The following SOD2 variants were observed in gnomAD, a reference collection of about 807,000 sequenced individuals.
SOD2 encodes superoxide dismutase [Mn], mitochondrial.
Under a neutral mutation model 27.0 loss-of-function variants are expected in SOD2, and 11 were observed. The ratio of observed to expected loss-of-function variants is 0.41; its 90% CI spans 0.26 to 0.67. The LOEUF (loss-of-function observed/expected upper bound fraction) is 0.67, where lower values mean the gene tolerates loss of function less well. Ranked by LOEUF, SOD2 falls within the 30% of genes least tolerant of loss-of-function variation. The pLI is 0.34. For missense variants in SOD2, 250 were observed against 274.5 expected, an observed-to-expected ratio of 0.91 and a Z score of 0.63; for synonymous variants, 105 against 103.0, an observed-to-expected ratio of 1.02 and a Z score of -0.12.
intron 1 of SOD2, among the ~76,000 whole-genome samples, chr6:159,754,534 TA>T (rs1331606563): frequency 6.6e-6 from 1 of 152,000 alleles, no homozygotes; most frequent in African/African-American, 2.4e-5. Context: ...TTGCCCTCGG[TA>T]TCCATGGTGG....
intron 1 of SOD2, among the ~76,000 whole-genome samples, chr6:159,732,866 CTCTCTCTG>C (rs1778664270): frequency 7.8e-6 from 1 of 128,254 alleles, no homozygotes; most frequent in African/African-American, 3.2e-5. Context: ...CTCTCTCTCT[CTCTCTCTG>C]TATATATATA....
intron 1 of SOD2, chr6:159,760,191 A>G (rs2114969097): frequency 6.6e-6 from 1 of 152,360 alleles, no homozygotes; most frequent in Middle Eastern, 3.4e-3. Flanking sequence ...TTAACAGAAG[A>G]TAGTTTCACT....
upstream of SOD2, among the ~76,000 whole-genome samples, chr6:159,694,435 G>A (rs1488666365): frequency 1.3e-5 from 2 of 152,108 alleles, no homozygotes; most frequent in Admixed American, 1.3e-4. Context: ...AGTGGAATGG[G>A]AAAACAGTCA....
At chr6:159,710,667 G>A (rs1431786366) in intron 1 of SOD2, among the ~76,000 whole-genome samples, 1 of 151,680 alleles carries the variant, frequency 6.6e-6, no homozygotes, top group Admixed American at 6.6e-5. Context: ...CCTCCAGAAC[G>A]TGGTCATATC....
intron 1 of SOD2, among the ~76,000 whole-genome samples, chr6:159,736,878 T>C (rs2114900092): frequency 6.6e-6 from 1 of 152,292 alleles, no homozygotes; most frequent in African/African-American, 2.4e-5. Flanking sequence ...ACATCGTCTC[T>C]AGGAGGAATT....
At chr6:159,684,817 A>G in intron 4 of SOD2, 37 bp downstream of exon 4, 1 of 1,528,372 alleles carries the variant, frequency 6.5e-7, no homozygotes. Flanking sequence ...ACAGTAGAGC[A>G]TCTCTCCCAA....
upstream of SOD2, chr6:159,727,502 T>C: frequency 2.0e-6 from 2 of 992,050 alleles, no homozygotes; most frequent in Non-Finnish European, 2.4e-6. Context: ...CGGGGCCTGG[T>C]TTCCTCCCTC....
upstream of SOD2, among the ~76,000 whole-genome samples, chr6:159,731,133 T>C (rs911371150): frequency 6.6e-6 from 1 of 151,412 alleles, no homozygotes; most frequent in Non-Finnish European, 1.5e-5. Flanking sequence ...AGAGAGAGAC[T>C]ACGTCTCAAA....
rs978589805 is a variant in SOD2 at position 159,681,182 on chromosome 6, T to C, written c.*1311A>G. ...CCCTCTTTGGGGTGTGCCAGGGGGA[T>C]TCCCACAAGCACAGAAATAAAGGAG... On this transcript the variant is annotated 3_prime_UTR_variant, in exon 5 of 5. Transcript: ENST00000538183. 1.3e-5 allele frequency: 2 copies of C among 151,040 alleles called. No homozygotes were observed. The highest frequency in any genetic ancestry group is 4.9e-5 in the African/African-American group (2 of 41,112). The allele number at this position is 151,040 out of a possible 1,614,324, so 9.4% of individuals were successfully genotyped here.
chr6:159,727,334 G>C, exon 1 of SOD2: 1 of 1,270,568 alleles, frequency 7.9e-7, no homozygotes, highest in Non-Finnish European at 1.0e-6. Flanking sequence ...CGACTCTCCT[G>C]TGAGTGGGCC....
chr6:159,755,097 A>T, intron 1 of SOD2: 1 of 1,614,216 alleles, frequency 6.2e-7, no homozygotes, highest in Non-Finnish European at 8.5e-7. Flanking sequence ...CTAGTTCTGC[A>T]GCAGCAGCTG....
intron 1 of SOD2, among the ~76,000 whole-genome samples, chr6:159,710,755 AT>A (rs878914679): frequency 1.2e-4 from 18 of 144,752 alleles, no homozygotes; most frequent in East Asian, 2.1e-4. Flanking sequence ...ACCACCACTC[AT>A]ACTGCTCTGA....
chr6:159,710,667 G>T (rs1431786366), intron 1 of SOD2, among the ~76,000 whole-genome samples: 1 of 151,680 alleles, frequency 6.6e-6, no homozygotes, highest in African/African-American at 2.4e-5. Context: ...CCTCCAGAAC[G>T]TGGTCATATC....
chr6:159,735,952 G>A (rs773549516), intron 1 of SOD2, among the ~76,000 whole-genome samples: 2 of 151,908 alleles, frequency 1.3e-5, no homozygotes, highest in East Asian at 3.9e-4. Flanking sequence ...CCTTTATGGC[G>A]ACATCAAATG....
At position 159,669,554 on chromosome 6, in the gene SOD2, C is replaced by T. The variant is rs901605326; in HGVS notation, c.*12939G>A. 2.6e-5 allele frequency: 4 copies of T among 151,962 alleles called. No homozygotes were observed. Among genetic ancestry groups the T allele is most frequent in the Admixed American group, 6.6e-5 (1 of 15,252 alleles). The allele number at this position is 151,962 out of a possible 1,614,324, so 9.4% of individuals were successfully genotyped here. On this transcript the variant is annotated 3_prime_UTR_variant, in exon 5 of 5. Transcript: ENST00000538183. ...GGCACAGTGGCTCATGCCTATAATC[C>T]CAGCACCTTAGGAGGCCAAAGCAGG...
chr6:159,695,190 G>T (rs746412341), upstream of SOD2, among the ~76,000 whole-genome samples: 1 of 152,192 alleles, frequency 6.6e-6, no homozygotes, highest in South Asian at 2.1e-4. Context: ...ATCAGTCATT[G>T]TAATGGAAAG....
At chr6:159,710,172 G>A (rs1421248599) in intron 1 of SOD2, among the ~76,000 whole-genome samples, 1 of 151,612 alleles carries the variant, frequency 6.6e-6, no homozygotes, top group African/African-American at 2.4e-5. Context: ...TAAATGTCGA[G>A]TTAATGGGTG....
exon 1 of SOD2, chr6:159,761,974 A>C (rs756846449): frequency 5.8e-6 from 7 of 1,213,540 alleles, no homozygotes; most frequent in East Asian, 5.1e-5. Flanking sequence ...GGGGAGGTGG[A>C]GGGCGAGGGG....
At chr6:159,702,654 C>CAAA (rs750073120) in intron 1 of SOD2, among the ~76,000 whole-genome samples, 110 of 39,776 alleles carry the variant, frequency 2.8e-3, no homozygotes, top group African/African-American at 6.9e-3. Flanking sequence ...TCTATCTCTC[C>CAAA]AAAAAAAAAA....
Sources: allele counts gnomAD v4.1 joint callset (sites outside exome capture counted in the v4.1 genomes callset), GRCh38; gene constraint gnomAD v4.1.1; transcripts MANE v1.5; gene names NCBI Gene and HGNC (gene_info 2026-07-23, HGNC 2026-07-21).